Variants in COL17A1 observed in about 807,000 individuals in gnomAD.
COL17A1 encodes collagen alpha-1(XVII) chain.
Under a neutral mutation model 218.4 loss-of-function variants are expected in COL17A1, and 181 were observed. That is an observed-to-expected ratio of 0.83 (90% CI 0.73 to 0.94). The LOEUF is 0.94. Ranked by LOEUF, COL17A1 falls within the 40% of genes least tolerant of loss-of-function variation. The pLI is 0.00. For synonymous variants in COL17A1, 721 were observed against 731.0 expected, an observed-to-expected ratio of 0.99 and a Z score of 0.22; for missense variants, 1,924 against 1,945.9, an observed-to-expected ratio of 0.99 and a Z score of 0.21.
In COL17A1 at chr10:104,039,057, C is replaced by CT. The variant is rs1306666890; in HGVS notation, c.2947+13dup. On this transcript the variant is annotated intron_variant, in intron 44 of 55. Coordinates refer to ENST00000648076, the MANE Select transcript of COL17A1 (RefSeq NM_000494.4). ...AAGAAGTGGAGAGGAACTTTGGTCA[C>CT]TTTCAGTTCTTACCTTCAGAAGGAC... 1 of 1,613,798 alleles carries CT rather than the reference C, an allele frequency of 6.2e-7. No individual in the cohort carries two copies.
intron 2 of COL17A1, 89 bp downstream of exon 2, chr10:104,080,533 A>G (rs1054048462): frequency 2.2e-5 from 32 of 1,454,512 alleles, no homozygotes; most frequent in Middle Eastern, 2.3e-4. Flanking sequence ...TGGTTGTGGT[A>G]GAATTATTAA....
chr10:104,083,596 T>C (rs1019580415), intron 1 of COL17A1, among the ~76,000 whole-genome samples: 1 of 152,170 alleles, frequency 6.6e-6, no homozygotes, highest in African/African-American at 2.4e-5. Flanking sequence ...GTTTTTTCCT[T>C]TCCCCTTTAT....
At chr10:104,039,222 G>A (rs2086333255) in intron 43 of COL17A1, 101 bp from the exon 44 acceptor site, 1 of 1,251,478 alleles carries the variant, frequency 8.0e-7, no homozygotes, top group Middle Eastern at 2.2e-4. Context: ...ATCGTCCCAT[G>A]TCTCTTGGCC....
At chr10:104,072,668 C>T (rs1219418511) in intron 7 of COL17A1, among the ~76,000 whole-genome samples, 1 of 152,184 alleles carries the variant, frequency 6.6e-6, no homozygotes, top group African/African-American at 2.4e-5. Context: ...ATTCTGCCTT[C>T]AGCTCAGCCC....
rs775194801 is a variant in COL17A1, at chr10:104,054,072, G to C, written c.1771+20C>G. 1.9e-6 allele frequency: 3 copies of C among 1,613,086 alleles called. No individual in the cohort carries two copies. In the African/African-American group the frequency reaches 4.0e-5, roughly 22 times the overall value. ...CAGCTGCAACACTGGCAGGCCTGGAGGTCATCAGAGAGTACATACCTGGAG... is the reference window on the plus strand; with the variant it reads ...CAGCTGCAACACTGGCAGGCCTGGACGTCATCAGAGAGTACATACCTGGAG... On this transcript the variant is annotated intron_variant, in intron 21 of 55. Coordinates refer to ENST00000648076, the MANE Select transcript of COL17A1 (RefSeq NM_000494.4).
chr10:104,076,473 A>G, intron 4 of COL17A1, 44 bp from the exon 5 acceptor site: 1 of 1,612,684 alleles, frequency 6.2e-7, no homozygotes, highest in Non-Finnish European at 8.5e-7. Context: ...TTCAGCAGAG[A>G]GGTGAACCAA....
At chr10:104,071,815 C>T (rs1022754254) in intron 8 of COL17A1, among the ~76,000 whole-genome samples, 14 of 152,188 alleles carry the variant, frequency 9.2e-5, no homozygotes, top group South Asian at 2.1e-4. Context: ...TGAACTACTA[C>T]ACAGCAGGAA....
intron 19 of COL17A1, 119 bp downstream of exon 19, chr10:104,055,253 G>T: frequency 6.5e-7 from 1 of 1,543,304 alleles, no homozygotes; most frequent in Non-Finnish European, 8.9e-7. Context: ...GATACCATAA[G>T]ATCATTCAGC....
intron 32 of COL17A1, 99 bp downstream of exon 32, chr10:104,046,648 A>C: frequency 8.6e-7 from 1 of 1,163,404 alleles, no homozygotes; most frequent in South Asian, 1.2e-5. Context: ...GAGTTGGTGG[A>C]GGAGAGGAAA....
Position 104,034,061 on chromosome 10 carries a change from T to A in COL17A1, c.4040A>T (p.Tyr1347Phe), listed in dbSNP as rs538916005. The A allele has an allele frequency of 6.2e-7, 1 of 1,614,100 alleles. No homozygotes were observed. Among genetic ancestry groups the A allele is most frequent in the Non-Finnish European group, 8.5e-7 (1 of 1,180,020 alleles). Residue 1347 changes from tyrosine to phenylalanine, a missense_variant, in exon 52 of 56, where the codon TAT becomes TTT. Tyr to Phe is a conservative substitution (Grantham distance 22). Transcript: ENST00000648076. ...CATGCCGCCTTCTGCTGCTGCCCCATAGCCTCCGCCTGGGCCGATGTCAGT... is the reference window on the plus strand; with the variant it reads ...CATGCCGCCTTCTGCTGCTGCCCCAAAGCCTCCGCCTGGGCCGATGTCAGT... Reference protein sequence around the residue: ...YGTDIGPGGGYGAAAEGGMYA... With the variant: ...YGTDIGPGGGFGAAAEGGMYA...
intron 9 of COL17A1, among the ~76,000 whole-genome samples, chr10:104,067,719 T>C (rs1178888653): frequency 6.6e-6 from 1 of 150,840 alleles, no homozygotes; most frequent in Non-Finnish European, 1.5e-5. Flanking sequence ...GAGATAAAGG[T>C]GGACAGTGTG....
intron 47 of COL17A1, 119 bp downstream of exon 47, chr10:104,036,926 G>A (rs1340556494): frequency 9.0e-6 from 9 of 996,728 alleles, no homozygotes; most frequent in Non-Finnish European, 1.2e-5. Context: ...TTGTCCAAAG[G>A]ACTCTGCCTC....
chr10:104,054,493 C>T (rs111912365), intron 20 of COL17A1, among the ~76,000 whole-genome samples: 4,535 of 151,944 alleles, frequency 0.03, 101 homozygotes, highest in Middle Eastern at 0.075. Context: ...CAGGTATATG[C>T]GAGGGTGTGG....
chr10:104,034,543 A>G, intron 51 of COL17A1, 78 bp downstream of exon 51: 1 of 1,559,188 alleles, frequency 6.4e-7, no homozygotes, highest in Non-Finnish European at 8.7e-7. Context: ...TGTCCCTTTA[A>G]GTGCCTCCCT....
In COL17A1 at chr10:104,077,447, A is replaced by G. The variant is rs765954490; in HGVS notation, c.177T>C (p.His59=). The G allele has an allele frequency of 6.2e-7, 1 of 1,613,418 alleles. No individual in the cohort carries two copies. The highest frequency in any genetic ancestry group is 1.3e-5 in the African/African-American group (1 of 75,000). ...GSRLEKQSLT[H]GSSGYINSTG... ...TTGAGTTTATGTAGCCGCTGCTGCC[A>G]TGAGTCAGGCTTTGTTTCTCCAGCC... Residue 59 remains histidine, a synonymous_variant, in exon 4 of 56, where the codon CAT becomes CAC. Coordinates refer to ENST00000648076, the MANE Select transcript of COL17A1 (RefSeq NM_000494.4).
intron 9 of COL17A1, among the ~76,000 whole-genome samples, chr10:104,067,340 A>AAAAAAG: frequency 6.8e-6 from 1 of 147,786 alleles, no homozygotes; most frequent in South Asian, 2.1e-4. Context: ...GGAATAAAAA[A>AAAAAAG]AAAAAAAAAA....
chr10:104,072,806 A>G lies in COL17A1; in HGVS notation c.415+404T>C, dbSNP rs962338282. On this transcript the variant is annotated intron_variant, in intron 7 of 55. Transcript: ENST00000648076. ...TGTCATGGAGCTGTTTATCTCCTGG[A>G]TGAATTTTGAAAAAAAATTTGGGGA... is the stretch of plus-strand genomic sequence containing the variant. Among the ~76,000 whole-genome samples, 10 of 152,276 alleles carry G rather than the reference A, an allele frequency of 6.6e-5. No individual in the cohort carries two copies. The East Asian group carries it at 1.9e-3, about 29-fold the overall frequency.
intron 9 of COL17A1, among the ~76,000 whole-genome samples, chr10:104,068,998 C>G (rs538587272): frequency 3.0e-4 from 46 of 152,188 alleles, no homozygotes; most frequent in African/African-American, 1.0e-3. Flanking sequence ...CACTGGGGTC[C>G]CCAGGATATG....
chr10:104,034,852 C>T, intron 50 of COL17A1, 85 bp from the exon 51 acceptor site: 2 of 1,550,676 alleles, frequency 1.3e-6, no homozygotes, highest in Admixed American at 2.0e-5. Context: ...CGCTGTGGGC[C>T]CCACCTGAAA....
Sources: gnomAD v4.1 joint callset for allele counts (sites outside exome capture counted in the v4.1 genomes callset) on GRCh38, gnomAD v4.1.1 for gene constraint, MANE v1.5 for transcripts, NCBI Gene and HGNC (gene_info 2026-07-23, HGNC 2026-07-21) for gene names.